Variants in CEP63 observed in about 807,000 individuals in gnomAD.
CEP63 encodes the protein centrosomal protein 63.
A neutral mutation model predicts 89.1 loss-of-function variants in CEP63; 84 were observed. That is an observed-to-expected ratio of 0.94 (90% confidence interval 0.79 to 1.13). CEP63 has a LOEUF of 1.13. Ranked by LOEUF, CEP63 falls within the 50% of genes most tolerant of loss-of-function variation. The pLI is 0.00. For synonymous variants in CEP63, 267 were observed against 272.5 expected (o/e 0.98, Z 0.20); for missense variants, 838 against 813.3 (o/e 1.03, Z -0.37).
the CEP63 span, among the ~76,000 whole-genome samples, chr3:134,727,464 C>A: frequency 1.3e-5 from 2 of 152,126 alleles, no homozygotes; most frequent in Non-Finnish European, 2.9e-5. Flanking sequence ...CTTGGTTATT[C>A]ATTTGTCCTG....
intron 3 of CEP63, among the ~76,000 whole-genome samples, chr3:134,526,981 T>C (rs775412210): frequency 2.2e-4 from 33 of 152,138 alleles, no homozygotes; most frequent in African/African-American, 6.0e-4. Context: ...ATCCACTGCA[T>C]TGGGGGGTCA....
At chr3:134,664,269 C>T in the CEP63 span, among the ~76,000 whole-genome samples, 3 of 152,224 alleles carry the variant, frequency 2.0e-5, no homozygotes, top group Admixed American at 2.0e-4. Context: ...ACAGCTTCAG[C>T]CTCCTTATCT....
At chr3:134,715,961 G>T in the CEP63 span, among the ~76,000 whole-genome samples, 1 of 151,532 alleles carries the variant, frequency 6.6e-6, no homozygotes, top group African/African-American at 2.4e-5. Context: ...GTTTTCCCTT[G>T]TAGGTTCTTT....
At chr3:134,502,516 G>A (rs575784151) in intron 2 of CEP63, among the ~76,000 whole-genome samples, 2 of 152,082 alleles carry the variant, frequency 1.3e-5, no homozygotes, top group East Asian at 1.9e-4. Context: ...TTAATCTATC[G>A]AGGATTTCTC....
the CEP63 span, among the ~76,000 whole-genome samples, chr3:134,720,459 A>C: frequency 6.6e-6 from 1 of 152,090 alleles, no homozygotes; most frequent in Admixed American, 6.5e-5. Context: ...AAAAGGTTTT[A>C]ATTTTGACAA....
the CEP63 span, chr3:134,625,207 T>A: frequency 8.3e-7 from 1 of 1,203,170 alleles, no homozygotes; most frequent in Non-Finnish European, 1.2e-6. Context: ...GGCCTTGCTG[T>A]CTCTTTGAGG....
intron 10 of CEP63, among the ~76,000 whole-genome samples, chr3:134,586,393 G>GA (rs1958486348): frequency 1.1e-5 from 1 of 87,644 alleles, no homozygotes; most frequent in South Asian, 4.0e-4. Context: ...GCCTGGTGGT[G>GA]ACAAAATCTC....
chr3:134,615,605 G>A, the CEP63 span, among the ~76,000 whole-genome samples: 133 of 151,082 alleles, frequency 8.8e-4, 3 homozygotes, highest in East Asian at 9.8e-3. Flanking sequence ...AAATGGAAAG[G>A]TGGTTTGCAC....
At chr3:134,666,575 T>G in the CEP63 span, among the ~76,000 whole-genome samples, 1 of 152,046 alleles carries the variant, frequency 6.6e-6, no homozygotes, top group Non-Finnish European at 1.5e-5. Flanking sequence ...TGCTGGAGGC[T>G]TCCTATACCT....
chr3:134,485,977 C>A (rs1391159551), upstream of CEP63: 11 of 941,984 alleles, frequency 1.2e-5, no homozygotes, highest in Non-Finnish European at 1.2e-5. Context: ...GCGGCAGACG[C>A]TTGCTCCTGC....
the CEP63 span, among the ~76,000 whole-genome samples, chr3:134,767,689 G>A: frequency 2.6e-5 from 4 of 152,290 alleles, no homozygotes; most frequent in South Asian, 8.3e-4. Context: ...TTATTCCAAG[G>A]TAACTTCAGA....
chr3:134,775,676 G>A, the CEP63 span, among the ~76,000 whole-genome samples: 1 of 152,124 alleles, frequency 6.6e-6, no homozygotes, highest in Non-Finnish European at 1.5e-5. Flanking sequence ...GTAGAGAATG[G>A]GAGACATGTT....
the CEP63 span, among the ~76,000 whole-genome samples, chr3:134,763,064 AT>A: frequency 7.3e-4 from 111 of 151,490 alleles, no homozygotes; most frequent in African/African-American, 2.5e-3. Context: ...GTGGCATCAT[AT>A]TTTTTTTTCT....
intron 3 of CEP63, among the ~76,000 whole-genome samples, chr3:134,524,023 A>G (rs1948094496): frequency 6.6e-6 from 1 of 152,202 alleles, no homozygotes; most frequent in African/African-American, 2.4e-5. Flanking sequence ...TTCCATGAGC[A>G]TGGAATGTTT....
the CEP63 span, among the ~76,000 whole-genome samples, chr3:134,775,707 G>A: frequency 6.6e-6 from 1 of 152,114 alleles, no homozygotes; most frequent in South Asian, 2.1e-4. Flanking sequence ...TTCAGGAGAA[G>A]GGAAACCTCA....
the CEP63 span, among the ~76,000 whole-genome samples, chr3:134,604,738 G>A: frequency 6.6e-6 from 1 of 152,098 alleles, no homozygotes; most frequent in South Asian, 2.1e-4. Flanking sequence ...GAAAGCTAAG[G>A]GGCCTCTAGA....
chr3:134,556,804 A>T (rs1391947260), intron 12 of CEP63, among the ~76,000 whole-genome samples: 1 of 152,154 alleles, frequency 6.6e-6, no homozygotes, highest in Non-Finnish European at 1.5e-5. Flanking sequence ...ATTACCTTTC[A>T]TATTCATTTA....
chr3:134,549,132 A>C lies in CEP63; in HGVS notation c.1138A>C (p.Arg380=). Residue 380 remains arginine (R), a synonymous_variant, in exon 10 of 15, where the codon AGG becomes CGG. Coordinates refer to ENST00000675561, the MANE Select transcript of CEP63 (RefSeq NM_001353108.3). ...ELMEKYEELK[R]MEAHNNEYKA... ...AATGGAAAAATATGAAGAACTGAAGAGGATGGAAGCACATAACAATGAATA... is the reference window on the plus strand; with the variant it reads ...AATGGAAAAATATGAAGAACTGAAGCGGATGGAAGCACATAACAATGAATA... 3.1e-6 allele frequency: 5 copies of C among 1,613,546 alleles called. No individual in the cohort carries two copies. In the South Asian group the frequency reaches 5.5e-5, roughly 18 times the overall value.
At chr3:134,557,397 T>G (rs1237055081) in intron 12 of CEP63, among the ~76,000 whole-genome samples, 1 of 136,472 alleles carries the variant, frequency 7.3e-6, no homozygotes, top group East Asian at 1.9e-4. Flanking sequence ...TTTTTTTTTT[T>G]TTTTTTTACA....
Sources: allele counts gnomAD v4.1 joint callset (sites outside exome capture counted in the v4.1 genomes callset), GRCh38; gene constraint gnomAD v4.1.1; transcripts MANE v1.5; gene names NCBI Gene and HGNC (gene_info 2026-07-23, HGNC 2026-07-21).